The following BTLA variants were observed in gnomAD, a reference collection of about 807,000 sequenced individuals.
BTLA encodes the protein B- and T-lymphocyte attenuator.
Under a neutral mutation model 25.0 loss-of-function variants are expected in BTLA, and 11 were observed. That is an observed-to-expected ratio of 0.44 (90% CI 0.28 to 0.73). The LOEUF is 0.73. Among genes scored for constraint, BTLA ranks in the 30% least tolerant of loss-of-function variants. The pLI, the probability that BTLA is intolerant of heterozygous loss-of-function variation, is 0.15. For missense variants in BTLA, 282 were observed against 332.8 expected, an observed-to-expected ratio of 0.85 and a Z score of 1.19; for synonymous variants, 104 against 119.8, an observed-to-expected ratio of 0.87 and a Z score of 0.86.
At chr3:112,488,937 A>G (rs2082364690) in intron 1 of BTLA, among the ~76,000 whole-genome samples, 1 of 151,990 alleles carries the variant, frequency 6.6e-6, no homozygotes, top group Admixed American at 6.6e-5. Flanking sequence ...TTATAACTAC[A>G]TATGTGTTCA....
intron 1 of BTLA, among the ~76,000 whole-genome samples, chr3:112,492,406 A>G (rs745760121): frequency 6.6e-6 from 1 of 152,262 alleles, no homozygotes; most frequent in Non-Finnish European, 1.5e-5. Flanking sequence ...AAATGTAGAC[A>G]GCATACCTGA....
intron 2 of BTLA, among the ~76,000 whole-genome samples, chr3:112,476,141 G>C (rs2082287373): frequency 6.6e-6 from 1 of 152,222 alleles, no homozygotes; most frequent in Non-Finnish European, 1.5e-5. Flanking sequence ...AGATGTTTAA[G>C]ACACAGCTTC....
chr3:112,488,896 G>T (rs2082364370), intron 1 of BTLA, among the ~76,000 whole-genome samples: 2 of 152,158 alleles, frequency 1.3e-5, no homozygotes, highest in Admixed American at 6.5e-5. Context: ...ACAGGCATGA[G>T]CCACCGCACC....
rs1400213337 is a variant in BTLA at position 112,479,480 on chromosome 3, G to A, written c.378C>T (p.Ser126=). The A allele has an allele frequency of 6.2e-7, 1 of 1,612,852 alleles. No homozygotes were observed. Among genetic ancestry groups the A allele is most frequent in the Non-Finnish European group, 8.5e-7 (1 of 1,179,212 alleles). ...CTGTCACATAAAGAGTTGTTGAGTG[G>A]CTTTCAATGAGATTAGACTGAAAAT... ...SANFQSNLIE[S]HSTTLYVTDV... The change falls in exon 2 of 5, where the codon AGC becomes AGT. Residue 126 remains serine, a synonymous_variant. Coordinates refer to ENST00000334529, the MANE Select transcript of BTLA (RefSeq NM_181780.4).
chr3:112,469,581 A>T (rs2107308853), intron 4 of BTLA, among the ~76,000 whole-genome samples, 177 bp downstream of exon 4: 1 of 144,236 alleles, frequency 6.9e-6, no homozygotes, highest in East Asian at 2.0e-4. Flanking sequence ...AGAATGCAAA[A>T]TTCACATTTT....
intron 2 of BTLA, among the ~76,000 whole-genome samples, chr3:112,474,687 AG>A (rs2082279887): frequency 6.6e-6 from 1 of 152,186 alleles, no homozygotes; most frequent in Non-Finnish European, 1.5e-5. Flanking sequence ...GATCATGAAA[AG>A]CTTCCTTAAG....
At chr3:112,466,627 T>C (rs1025136190) in intron 4 of BTLA, among the ~76,000 whole-genome samples, 4 of 152,190 alleles carry the variant, frequency 2.6e-5, no homozygotes, top group Admixed American at 2.6e-4. Flanking sequence ...CTGGTCACTT[T>C]TGAGGTCACA....
intron 2 of BTLA, among the ~76,000 whole-genome samples, chr3:112,475,681 C>T (rs767752266): frequency 2.0e-4 from 30 of 152,098 alleles, no homozygotes; most frequent in African/African-American, 6.8e-4. Context: ...ATTCATGTCT[C>T]GTATAGAAGT....
At chr3:112,484,176 A>G (rs2082333925) in intron 1 of BTLA, among the ~76,000 whole-genome samples, 1 of 152,170 alleles carries the variant, frequency 6.6e-6, no homozygotes, top group Admixed American at 6.5e-5. Flanking sequence ...GAATCTCATG[A>G]TAGATTTAGA....
intron 2 of BTLA, among the ~76,000 whole-genome samples, chr3:112,471,595 A>G (rs1409899240): frequency 3.3e-5 from 5 of 152,214 alleles, no homozygotes; most frequent in Admixed American, 1.3e-4. Context: ...GATAGAGTTA[A>G]TCTTCCACAG....
chr3:112,476,844 A>T (rs2082291140), intron 2 of BTLA, among the ~76,000 whole-genome samples: 2 of 152,154 alleles, frequency 1.3e-5, no homozygotes, highest in Admixed American at 1.3e-4. Flanking sequence ...GTCATGTCAC[A>T]TTCTTTATTT....
In BTLA at chr3:112,472,819, G is replaced by T. The variant is rs543811316; in HGVS notation, c.404-1464C>A. Among the ~76,000 whole-genome samples the T allele has an allele frequency of 3.9e-5, 6 of 152,194 alleles. No individual in the cohort carries two copies. In the East Asian group the frequency reaches 1.2e-3, roughly 29 times the overall value. ...AAAAGTGGTTTGGTTATTCAGAGTGGTAACAAATGTTGTCTATTGATGTTG... is the reference window on the plus strand; with the variant it reads ...AAAAGTGGTTTGGTTATTCAGAGTGTTAACAAATGTTGTCTATTGATGTTG... On this transcript the variant is annotated intron_variant, in intron 2 of 4. Transcript: ENST00000334529.
Position 112,473,382 on chromosome 3 carries a change from C to T in BTLA, c.404-2027G>A, listed in dbSNP as rs182917872. Among the ~76,000 whole-genome samples the T allele has an allele frequency of 1.6e-4, 24 of 152,090 alleles. 1 individual carries two copies. The East Asian group carries it at 2.9e-3, about 19-fold the overall frequency. ...GCTCACTGAAAGACTGTAAATACAA[C>T]GCAATCTTTGTCTGTCTGCTTTGAT... On this transcript the variant is annotated intron_variant, in intron 2 of 4. Coordinates refer to ENST00000334529, the MANE Select transcript of BTLA (RefSeq NM_181780.4).
chr3:112,469,636 TATATATATATATAG>T lies in BTLA; in HGVS notation c.594+108_594+121del, dbSNP rs1163697003. The T allele has an allele frequency of 2.6e-4, 13 of 50,130 alleles. 1 individual carries two copies. The highest frequency in any genetic ancestry group is 1.6e-3 in the East Asian group (3 of 1,934). 3.1% of individuals were successfully genotyped at this position (50,130 alleles called of 1,614,324 possible). Reference sequence around the variant, plus strand: ...ATATATATATATATATATATATATATATATATATATATAGTACATAGAATAATGCCTGGCACATG... The same window carrying T: ...ATATATATATATATATATATATATATTACATAGAATAATGCCTGGCACATG... On this transcript the variant is annotated intron_variant, in intron 4 of 4. Transcript: ENST00000334529.
chr3:112,473,604 T>C (rs929370242), intron 2 of BTLA, among the ~76,000 whole-genome samples: 1 of 145,768 alleles, frequency 6.9e-6, no homozygotes, highest in South Asian at 2.2e-4. Context: ...GTTCTTTTTT[T>C]CTTCTTCTTT....
chr3:112,477,778 T>G (rs1392967097), intron 2 of BTLA, among the ~76,000 whole-genome samples: 1 of 152,062 alleles, frequency 6.6e-6, no homozygotes, highest in Non-Finnish European at 1.5e-5. Context: ...CTTAAATGTC[T>G]GACTTATTTT....
Position 112,471,339 on chromosome 3 carries a change from T to C in BTLA, c.420A>G (p.Ser140=). The change falls in exon 3 of 5, where the codon TCA becomes TCG. Residue 140 remains serine, a synonymous_variant. Transcript: ENST00000334529. ...TLYVTDVKSA[S]ERPSKDEMAS... ...CCATTTCGTCCTTGGAGGGTCGTTCTGAGGCACTTTTTACATCTGGAATGT... is the reference window on the plus strand; with the variant it reads ...CCATTTCGTCCTTGGAGGGTCGTTCCGAGGCACTTTTTACATCTGGAATGT... The C allele has an allele frequency of 1.2e-6, 2 of 1,613,800 alleles. No individual in the cohort carries two copies. Among genetic ancestry groups the C allele is most frequent in the Non-Finnish European group, 1.7e-6 (2 of 1,179,824 alleles).
intron 1 of BTLA, among the ~76,000 whole-genome samples, chr3:112,495,094 T>A (rs2082402221): frequency 6.6e-6 from 1 of 152,150 alleles, no homozygotes; most frequent in Non-Finnish European, 1.5e-5. Context: ...ATTCTAAGTG[T>A]TTTACAGAAT....
intron 4 of BTLA, among the ~76,000 whole-genome samples, chr3:112,466,911 T>C (rs1040874543): frequency 5.9e-5 from 9 of 152,006 alleles, no homozygotes; most frequent in African/African-American, 2.2e-4. Flanking sequence ...TTAGAAAAAG[T>C]TCCAAAACAG....
Sources: gnomAD v4.1 joint callset for allele counts (sites outside exome capture counted in the v4.1 genomes callset) on GRCh38, gnomAD v4.1.1 for gene constraint, MANE v1.5 for transcripts, NCBI Gene and HGNC (gene_info 2026-07-23, HGNC 2026-07-21) for gene names.